Variants in CCDC66 observed in about 807,000 individuals in gnomAD.
CCDC66 encodes coiled-coil domain-containing protein 66.
A neutral mutation model predicts 128.3 loss-of-function variants in CCDC66; 133 were observed. That is an observed-to-expected ratio of 1.04 (90% CI 0.90 to 1.20). The LOEUF is 1.20. CCDC66 is among the 50% of genes most tolerant of loss of function. CCDC66 has a pLI of 0.00. For missense variants in CCDC66, 1,126 were observed against 1,075.5 expected (o/e 1.05, Z -0.66); for synonymous variants, 387 against 357.0 (o/e 1.08, Z -0.95).
At position 56,597,776 on chromosome 3, in the gene CCDC66, G is replaced by GTT. The variant is rs753875788; in HGVS notation, c.1404+3748_1404+3749insTT. On this transcript the variant is annotated intron_variant, in intron 10 of 17. Coordinates refer to ENST00000394672, the MANE Select transcript of CCDC66 (RefSeq NM_001141947.3). Reference sequence around the variant, plus strand: ...TTGTGGAGTCTAGGTTTTGTTTTGGGGTTTTTTTTTTTTTTTGAGACAGAG... The same window carrying GTT: ...TTGTGGAGTCTAGGTTTTGTTTTGGGTTGTTTTTTTTTTTTTTTGAGACAGAG... Among the ~76,000 whole-genome samples the GTT allele has an allele frequency of 1.2e-3, 75 of 61,870 alleles. 12 individuals carry two copies. The highest frequency in any genetic ancestry group is 7.0e-3 in the East Asian group (3 of 426). 40.6% of individuals were successfully genotyped at this position (61,870 alleles called of 152,430 possible).
At chr3:56,595,979 A>G (rs1047291599) in intron 10 of CCDC66, among the ~76,000 whole-genome samples, 3 of 152,212 alleles carry the variant, frequency 2.0e-5, no homozygotes, top group Admixed American at 6.5e-5. Flanking sequence ...CAGTGGCATA[A>G]TCATGGCTCA....
In CCDC66 at chr3:56,563,860, G is replaced by C; in HGVS notation, c.279G>C (p.Lys93Asn). The C allele has an allele frequency of 6.3e-7, 1 of 1,595,234 alleles. No homozygotes were observed. The change falls in exon 4 of 18, where the codon AAG (lysine) becomes AAC (asparagine). Residue 93 changes from lysine (K) to asparagine (N), a missense_variant. Transcript: ENST00000394672. ...ATGGAATGACTTTTTCATCCACTAA[G>C]GATTTATGTAAACAATGTATAGATA... The part of the protein sequence containing the change: ...EKNGMTFSST[K>N]DLCKQCIDKD...
chr3:56,558,786 G>T, intron 1 of CCDC66, 60 bp from the exon 2 acceptor site: 1 of 1,098,678 alleles, frequency 9.1e-7, no homozygotes, highest in South Asian at 1.3e-5. Flanking sequence ...GAACATTTCT[G>T]GTTATTTAAA....
intron 7 of CCDC66, among the ~76,000 whole-genome samples, chr3:56,575,675 G>A (rs1428236306): frequency 1.3e-5 from 2 of 151,726 alleles, no homozygotes; most frequent in South Asian, 4.2e-4. Context: ...TCTGATCATC[G>A]GACTGTATTT....
intron 7 of CCDC66, among the ~76,000 whole-genome samples, chr3:56,575,267 TTTA>T (rs2067200997): frequency 6.6e-6 from 1 of 151,878 alleles, no homozygotes; most frequent in African/African-American, 2.4e-5. Flanking sequence ...TACTTTCTGA[TTTA>T]TTGACAGTAT....
At chr3:56,582,064 C>T (rs1347970469) in intron 7 of CCDC66, among the ~76,000 whole-genome samples, 7 of 151,930 alleles carry the variant, frequency 4.6e-5, no homozygotes, top group Non-Finnish European at 5.9e-5. Flanking sequence ...GGGCTCCACC[C>T]AGTCCGAGCT....
chr3:56,617,766 G>A (rs928520726), intron 14 of CCDC66, 161 bp downstream of exon 14: 5 of 820,318 alleles, frequency 6.1e-6, no homozygotes, highest in Non-Finnish European at 9.3e-6. Flanking sequence ...CCTGTTTTTG[G>A]AAAGTTTTAT....
chr3:56,616,927 T>G, intron 13 of CCDC66, 185 bp from the exon 14 acceptor site: 1 of 450,768 alleles, frequency 2.2e-6, no homozygotes, highest in Non-Finnish European at 3.9e-6. Context: ...GAAATTAGAG[T>G]GGTGGCTGCC....
Position 56,557,180 on chromosome 3 carries a change from G to C in CCDC66, c.-63G>C, listed in dbSNP as rs62255965. Reference sequence around the variant, plus strand: ...CAATTGGCGTAGCGCTTGCTGAGCGGCGGCGGCAACCGACGTACACAAGGG... The same window carrying C: ...CAATTGGCGTAGCGCTTGCTGAGCGCCGGCGGCAACCGACGTACACAAGGG... On this transcript the variant is annotated 5_prime_UTR_variant, in exon 1 of 18. Transcript: ENST00000394672. The C allele has an allele frequency of 0.05, 76,888 of 1,550,072 alleles. 2,108 individuals carry two copies. The highest frequency in any genetic ancestry group is 0.094 in the East Asian group (3,820 of 40,850).
chr3:56,584,106 G>T (rs1210405624), intron 7 of CCDC66, among the ~76,000 whole-genome samples: 20 of 145,556 alleles, frequency 1.4e-4, no homozygotes, highest in African/African-American at 5.0e-4. Context: ...TGGCCGGGCG[G>T]GGGCTGCCCC....
At chr3:56,621,354 G>GTGAT (rs1455347099) in intron 17 of CCDC66, 178 bp from the exon 18 acceptor site, 4 of 410,318 alleles carry the variant, frequency 9.7e-6, no homozygotes, top group Admixed American at 4.1e-5. Flanking sequence ...TCTTACAAAT[G>GTGAT]TGATAGCTAT....
At chr3:56,567,846 C>T (rs969211924) in intron 6 of CCDC66, among the ~76,000 whole-genome samples, 3 of 152,046 alleles carry the variant, frequency 2.0e-5, no homozygotes, top group African/African-American at 2.4e-5. Context: ...CCCACTACCA[C>T]GCCCGGCTAA....
At chr3:56,559,545 A>T in intron 2 of CCDC66, 24 bp from the exon 3 acceptor site, 1 of 1,491,596 alleles carries the variant, frequency 6.7e-7, no homozygotes, top group Non-Finnish European at 9.1e-7. Context: ...TGGATAGTTT[A>T]GTAATTTCTT....
At chr3:56,559,885 C>CA (rs1297704303) in intron 3 of CCDC66, among the ~76,000 whole-genome samples, 1 of 152,138 alleles carries the variant, frequency 6.6e-6, no homozygotes, top group Non-Finnish European at 1.5e-5. Context: ...AGCCACTAGT[C>CA]ATGTATAGTT....
At chr3:56,616,132 A>G in intron 13 of CCDC66, 79 bp downstream of exon 13, 1 of 1,331,126 alleles carries the variant, frequency 7.5e-7, no homozygotes, top group Non-Finnish European at 1.0e-6. Flanking sequence ...AGTTCAATTT[A>G]AAAGTTCAAA....
rs769951066 is a variant in CCDC66, at chr3:56,563,978, C to T, written c.397C>T (p.Gln133Ter). The T allele has an allele frequency of 6.2e-7, 1 of 1,613,968 alleles. No homozygotes were observed. The highest frequency in any genetic ancestry group is 8.5e-7 in the Non-Finnish European group (1 of 1,179,954). The change falls in exon 4 of 18, where the codon CAG (glutamine) becomes TAG (stop). Residue 133 changes from glutamine (Q) to a stop codon, truncating the protein, a stop_gained. Coordinates refer to ENST00000394672, the MANE Select transcript of CCDC66 (RefSeq NM_001141947.3). LOFTEE classifies it high-confidence loss of function. ...CGTAAATACATCTCTAGTAGGTAAACAGAAGCCTCACAAAAAACACATCAC... is the reference window on the plus strand; with the variant it reads ...CGTAAATACATCTCTAGTAGGTAAATAGAAGCCTCACAAAAAACACATCAC... ...NTVNTSLVGKQKPHKKHITAE... is the reference protein window; with the variant it reads ...NTVNTSLVGK
intron 7 of CCDC66, among the ~76,000 whole-genome samples, chr3:56,588,784 TTC>T (rs1340040333): frequency 6.6e-6 from 1 of 152,224 alleles, no homozygotes; most frequent in Non-Finnish European, 1.5e-5. Flanking sequence ...GGCAGTATAC[TTC>T]TGACTGAAAG....
chr3:56,618,150 C>T (rs780365755), intron 14 of CCDC66, 22 bp from the exon 15 acceptor site: 4 of 1,590,772 alleles, frequency 2.5e-6, no homozygotes, highest in Admixed American at 3.4e-5. Flanking sequence ...TTCCTTTCTG[C>T]ATTTATCTAT....
At chr3:56,598,140 TTTTGTTTTGTTTTG>T (rs971047037) in intron 10 of CCDC66, among the ~76,000 whole-genome samples, 7 of 116,522 alleles carry the variant, frequency 6.0e-5, no homozygotes, top group Non-Finnish European at 1.2e-4. Flanking sequence ...TTTTAGTTTG[TTTTGTTTTGTTTTG>T]TTTGTTTGTT....
Sources: allele counts gnomAD v4.1 joint callset (sites outside exome capture counted in the v4.1 genomes callset), GRCh38; gene constraint gnomAD v4.1.1; transcripts MANE v1.5; gene names NCBI Gene and HGNC (gene_info 2026-07-23, HGNC 2026-07-21).